PPWD1: variants seen among roughly 807,000 people sequenced by gnomAD.
PPWD1 encodes peptidylprolyl isomerase domain and WD repeat-containing protein 1.
A neutral mutation model predicts 68.8 loss-of-function variants in PPWD1; 43 were observed. The ratio of observed to expected loss-of-function variants is 0.62; its 90% CI spans 0.49 to 0.81. The LOEUF is 0.81. PPWD1 is among the 30% of genes least tolerant of loss of function. The pLI, the probability that PPWD1 is intolerant of heterozygous loss-of-function variation, is 0.00. For missense variants in PPWD1, 672 were observed against 804.8 expected (o/e 0.83, Z 2.00); for synonymous variants, 232 against 258.7 (o/e 0.90, Z 0.99).
chr5:65,567,654 A>AT (rs767105964), intron 2 of PPWD1, 39 bp downstream of exon 2: 10 of 1,436,630 alleles, frequency 7.0e-6, no homozygotes, highest in Admixed American at 5.1e-5. Context: ...TTCTGAGTTT[A>AT]TTTAAAAAAA....
Position 65,563,487 on chromosome 5 carries a change from A to G in PPWD1, c.177A>G (p.Thr59=), listed in dbSNP as rs748540201. 4 of 1,613,052 alleles carry G rather than the reference A, an allele frequency of 2.5e-6. No homozygotes were observed. The South Asian group carries it at 4.4e-5, about 18-fold the overall frequency. ...TTGGACCTTTACCTGTGGAGGCAAC[A>G]CTGGCCAAGAAGAGGAAAGGTAGCT... ...RWVGPLPVEA[T]LAKKRKVLEF... Residue 59 remains threonine, a synonymous_variant, in exon 1 of 11, where the codon ACA becomes ACG. Transcript: ENST00000261308.
rs1329740708 is a variant in PPWD1 at position 65,563,522 on chromosome 5, G to A, written c.196+16G>A. ...AAGAGGAAAGGTAGCTGCAGACATA[G>A]TACCGGGACGAATTGGAGTGCTGCG... On this transcript the variant is annotated intron_variant, in intron 1 of 10. Transcript: ENST00000261308. The A allele has an allele frequency of 6.3e-7, 1 of 1,599,560 alleles. No individual in the cohort carries two copies. Among genetic ancestry groups the A allele is most frequent in the Non-Finnish European group, 8.5e-7 (1 of 1,173,358 alleles).
chr5:65,587,491 C>T lies in PPWD1; in HGVS notation c.*95C>T, dbSNP rs1753899045. On this transcript the variant is annotated 3_prime_UTR_variant, in exon 11 of 11. Transcript: ENST00000261308. Reference sequence around the variant, plus strand: ...CTTAGGACTTGCTGAATATACAGATCATGTTTCAAAGATACAGTATTTTTG... The same window carrying T: ...CTTAGGACTTGCTGAATATACAGATTATGTTTCAAAGATACAGTATTTTTG... The T allele has an allele frequency of 1.0e-6, 1 of 969,382 alleles. No individual in the cohort carries two copies. The highest frequency in any genetic ancestry group is 1.7e-5 in the African/African-American group (1 of 58,676). 60.0% of individuals were successfully genotyped at this position (969,382 alleles called of 1,614,324 possible).
At chr5:65,585,230 C>A in intron 9 of PPWD1, 135 bp downstream of exon 9, 1 of 826,984 alleles carries the variant, frequency 1.2e-6, no homozygotes, top group Non-Finnish European at 1.9e-6. Flanking sequence ...ACTATGGAAG[C>A]CAAAGGAGGA....
rs778361240 is a variant in PPWD1 at position 65,577,016 on chromosome 5, C to T, written c.1107C>T (p.Phe369=). The change falls in exon 6 of 11, where the codon TTC becomes TTT. Residue 369 remains phenylalanine, a synonymous_variant. Transcript: ENST00000261308. The part of the protein sequence containing the change: ...INIVFDETGH[F]VLYGTMLGIK... ...TAGTTTTTGATGAAACTGGACACTTCGTGCTGTATGGAACAATGCTGGGCA... is the reference window on the plus strand; with the variant it reads ...TAGTTTTTGATGAAACTGGACACTTTGTGCTGTATGGAACAATGCTGGGCA... The T allele has an allele frequency of 3.1e-6, 5 of 1,614,024 alleles. No homozygotes were observed. The highest frequency in any genetic ancestry group is 2.2e-5 in the South Asian group (2 of 91,068).
chr5:65,574,038 A>G (rs1361603534), intron 5 of PPWD1, among the ~76,000 whole-genome samples: 1 of 152,184 alleles, frequency 6.6e-6, no homozygotes, highest in Non-Finnish European at 1.5e-5. Context: ...AGTTTATTGT[A>G]TGACAGTGTC....
intron 7 of PPWD1, chr5:65,582,784 T>C (rs1460250284): frequency 1.7e-5 from 5 of 300,924 alleles, no homozygotes; most frequent in Non-Finnish European, 2.8e-5. Context: ...CCCAAGAAAA[T>C]TTCTAACCAA....
intron 10 of PPWD1, 89 bp downstream of exon 10, chr5:65,586,270 AT>A: frequency 8.1e-7 from 1 of 1,232,258 alleles, no homozygotes; most frequent in Non-Finnish European, 1.1e-6. Context: ...ATTATTCTGT[AT>A]TTTCTGCATT....
Position 65,579,580 on chromosome 5 carries a change from C to T in PPWD1, c.1317C>T (p.Val439=). The change falls in exon 7 of 11, where the codon GTC becomes GTT. Residue 439 remains valine, a synonymous_variant. Coordinates refer to ENST00000261308, the MANE Select transcript of PPWD1 (RefSeq NM_015342.4). The part of the protein sequence containing the change: ...LQNIQADPTI[V]CTSFKKNRFY... ...ATATTCAAGCTGACCCAACAATAGT[C>T]TGTACATCATTCAAAAAGAATAGAT... is the stretch of plus-strand genomic sequence containing the variant. 1 of 1,592,058 alleles carries T rather than the reference C, an allele frequency of 6.3e-7. No homozygotes were observed. Among genetic ancestry groups the T allele is most frequent in the Non-Finnish European group, 8.5e-7 (1 of 1,172,122 alleles).
intron 4 of PPWD1, 160 bp downstream of exon 4, chr5:65,570,158 T>A: frequency 4.6e-6 from 4 of 866,240 alleles, no homozygotes; most frequent in Non-Finnish European, 5.5e-6. Context: ...TGAAGCCTTA[T>A]AATGTTTGGA....
chr5:65,585,391 CTT>C (rs1374615545), intron 9 of PPWD1, among the ~76,000 whole-genome samples: 2 of 152,170 alleles, frequency 1.3e-5, no homozygotes, highest in East Asian at 3.8e-4. Context: ...TAGGTAACCT[CTT>C]TGTCGTGGCT....
chr5:65,563,866 T>G, intron 1 of PPWD1: 1 of 1,462,140 alleles, frequency 6.8e-7, no homozygotes, highest in East Asian at 2.5e-5. Flanking sequence ...CAGTTCTCTT[T>G]AAGGCTTTAG....
intron 1 of PPWD1, among the ~76,000 whole-genome samples, chr5:65,564,775 T>G (rs1752632298): frequency 6.6e-6 from 1 of 152,204 alleles, no homozygotes; most frequent in Non-Finnish European, 1.5e-5. Flanking sequence ...AGAATCGGTC[T>G]TGTACTTTTT....
Position 65,572,281 on chromosome 5 carries a change from C to A in PPWD1, c.964C>A (p.Leu322Ile). ...GKLMRVFDES[L>I]SMFTELQQMR... ...ACTCATGAGAGTCTTTGATGAATCACTAAGCGTAAGTGTAATTTAAATTTA... is the reference window on the plus strand; with the variant it reads ...ACTCATGAGAGTCTTTGATGAATCAATAAGCGTAAGTGTAATTTAAATTTA... Residue 322 changes from leucine to isoleucine, a missense_variant, in exon 5 of 11, where the codon CTA becomes ATA. Transcript: ENST00000261308. 6.2e-7 allele frequency: 1 copy of A among 1,605,852 alleles called. No individual in the cohort carries two copies. The highest frequency in any genetic ancestry group is 8.5e-7 in the Non-Finnish European group (1 of 1,175,036).
In PPWD1 at chr5:65,574,233, A is replaced by G. The variant is rs530053015; in HGVS notation, c.969+1947A>G. Among the ~76,000 whole-genome samples the G allele has an allele frequency of 2.6e-5, 4 of 152,244 alleles. No individual in the cohort carries two copies. The South Asian group carries it at 6.2e-4, about 24-fold the overall frequency. On this transcript the variant is annotated intron_variant, in intron 5 of 10. Coordinates refer to ENST00000261308, the MANE Select transcript of PPWD1 (RefSeq NM_015342.4). The stretch of plus-strand genomic sequence containing the variant: ...AATGTGAAGATCTGTTTGCCAGCCA[A>G]ATTATCCTTATGACAAATTTTCTTG...
chr5:65,563,987 A>G (rs923480949), intron 1 of PPWD1: 1 of 740,170 alleles, frequency 1.4e-6, no homozygotes, highest in Admixed American at 2.6e-5. Context: ...CCACTAATAA[A>G]TTTTCGCATC....
intron 2 of PPWD1, chr5:65,567,872 C>T: frequency 2.2e-6 from 1 of 460,828 alleles, no homozygotes; most frequent in Non-Finnish European, 3.1e-6. Context: ...GTCTGAGCTT[C>T]CCTGAAGAAG....
At chr5:65,574,106 C>T (rs1753163483) in intron 5 of PPWD1, among the ~76,000 whole-genome samples, 1 of 152,180 alleles carries the variant, frequency 6.6e-6, no homozygotes, top group Non-Finnish European at 1.5e-5. Context: ...GTAAGCTCTT[C>T]ATAAATTCTG....
chr5:65,570,555 G>A (rs553415564), intron 4 of PPWD1, among the ~76,000 whole-genome samples: 51 of 151,982 alleles, frequency 3.4e-4, no homozygotes, highest in Admixed American at 2.4e-3. Flanking sequence ...AAAGTTTTGG[G>A]ACTCGCCTTA....
Sources: allele counts gnomAD v4.1 joint callset (sites outside exome capture counted in the v4.1 genomes callset), GRCh38; gene constraint gnomAD v4.1.1; transcripts MANE v1.5; gene names NCBI Gene and HGNC (gene_info 2026-07-23, HGNC 2026-07-21).